Variants in PPM1H observed in about 807,000 individuals in gnomAD.
PPM1H encodes protein phosphatase 1H.
Under a neutral mutation model 54.9 loss-of-function variants are expected in PPM1H, and 27 were observed. The ratio of observed to expected loss-of-function variants is 0.49; its 90% CI spans 0.36 to 0.68. PPM1H has a LOEUF of 0.68. PPM1H is among the 30% of genes least tolerant of loss of function. The pLI, the probability that PPM1H is intolerant of heterozygous loss-of-function variation, is 0.00. For synonymous variants in PPM1H, 305 were observed against 270.8 expected, an observed-to-expected ratio of 1.13 and a Z score of -1.24; for missense variants, 596 against 667.8, an observed-to-expected ratio of 0.89 and a Z score of 1.19.
intron 1 of PPM1H, among the ~76,000 whole-genome samples, chr12:62,909,035 T>A (rs1306434329): frequency 6.6e-6 from 1 of 151,870 alleles, no homozygotes; most frequent in Non-Finnish European, 1.5e-5. Flanking sequence ...TCCCCTGGGC[T>A]TCTTAAGTAT....
intron 4 of PPM1H, among the ~76,000 whole-genome samples, chr12:62,753,555 C>G (rs1028443231): frequency 6.6e-6 from 1 of 152,214 alleles, no homozygotes; most frequent in African/African-American, 2.4e-5. Context: ...CTTAGGGATA[C>G]AGTGGGCTTC....
intron 3 of PPM1H, among the ~76,000 whole-genome samples, chr12:62,792,413 C>T (rs2076705941): frequency 6.6e-6 from 1 of 152,212 alleles, no homozygotes; most frequent in Non-Finnish European, 1.5e-5. Context: ...CTAAATTTGG[C>T]AGCACTTTCT....
intron 8 of PPM1H, among the ~76,000 whole-genome samples, chr12:62,677,083 G>C (rs2075991703): frequency 6.6e-6 from 1 of 152,130 alleles, no homozygotes; most frequent in Admixed American, 6.5e-5. Context: ...CAACCTGCCT[G>C]CAGATAGGAG....
intron 2 of PPM1H, among the ~76,000 whole-genome samples, chr12:62,811,340 AATGGTAATTACTT>A (rs2076834136): frequency 2.0e-5 from 3 of 152,232 alleles, no homozygotes; most frequent in Non-Finnish European, 4.4e-5. Flanking sequence ...CACTAGAAGT[AATGGTAATTACTT>A]ATACTATTAA....
chr12:62,689,883 A>G, intron 7 of PPM1H, 77 bp from the exon 8 acceptor site: 1 of 984,236 alleles, frequency 1.0e-6, no homozygotes, highest in South Asian at 1.5e-5. Flanking sequence ...TGCCTGGGCT[A>G]GGAACAACCA....
At chr12:62,657,370 TGTGGCCACACAGCTAA>T (rs2075850529) in intron 9 of PPM1H, among the ~76,000 whole-genome samples, 4 of 152,318 alleles carry the variant, frequency 2.6e-5, no homozygotes, top group African/African-American at 7.2e-5. Flanking sequence ...AACATCCTGA[TGTGGCCACACAGCTAA>T]GGGGCCACAC....
chr12:62,692,932 GACACACAC>G (rs71278272), intron 7 of PPM1H, among the ~76,000 whole-genome samples: 18 of 146,810 alleles, frequency 1.2e-4, no homozygotes, highest in Admixed American at 6.1e-4. Context: ...CTTTTGCTCT[GACACACAC>G]ACACACACAC....
chr12:62,813,064 G>A (rs1009241302), intron 2 of PPM1H, among the ~76,000 whole-genome samples: 7 of 152,028 alleles, frequency 4.6e-5, no homozygotes, highest in African/African-American at 1.7e-4. Flanking sequence ...CCATCTGGGT[G>A]GTTGTGAGGT....
At chr12:62,801,795 C>T (rs2076771487) in intron 3 of PPM1H, 21 bp downstream of exon 3, 1 of 1,612,240 alleles carries the variant, frequency 6.2e-7, no homozygotes, top group Non-Finnish European at 8.5e-7. Context: ...CCTGCTGCCC[C>T]AGACTCCCAG....
chr12:62,802,261 TGTCTGTC>T, intron 2 of PPM1H, 101 bp from the exon 3 acceptor site: 1 of 922,362 alleles, frequency 1.1e-6, no homozygotes. Context: ...TCCACTTGGT[TGTCTGTC>T]GTCTGCAAAC....
At chr12:62,688,032 A>G (rs1332443770) in intron 8 of PPM1H, among the ~76,000 whole-genome samples, 1 of 151,844 alleles carries the variant, frequency 6.6e-6, no homozygotes, top group Non-Finnish European at 1.5e-5. Flanking sequence ...AAAAGAAACA[A>G]AAAACCTTAA....
intron 6 of PPM1H, among the ~76,000 whole-genome samples, chr12:62,713,699 TG>T (rs1432249574): frequency 2.0e-5 from 3 of 152,160 alleles, no homozygotes; most frequent in Admixed American, 6.5e-5. Flanking sequence ...CCAGGTTTGG[TG>T]GCTCATCCCT....
intron 6 of PPM1H, among the ~76,000 whole-genome samples, chr12:62,704,695 AGCTTGTGCATACCTG>A (rs1177501278): frequency 6.6e-6 from 1 of 152,222 alleles, no homozygotes; most frequent in African/African-American, 2.4e-5. Flanking sequence ...GTAGCAGCCT[AGCTTGTGCATACCTG>A]GCTACCACCT....
chr12:62,834,118 G>C (rs1448769831), intron 1 of PPM1H, among the ~76,000 whole-genome samples: 1 of 152,070 alleles, frequency 6.6e-6, no homozygotes. Context: ...TATTTCCTAA[G>C]ATTTGTCTTT....
intron 2 of PPM1H, among the ~76,000 whole-genome samples, chr12:62,825,511 A>G (rs561591642): frequency 1.3e-3 from 191 of 152,386 alleles, no homozygotes; most frequent in Non-Finnish European, 2.2e-3. Flanking sequence ...AGACTGGATT[A>G]AGAAAATGTG....
intron 4 of PPM1H, among the ~76,000 whole-genome samples, chr12:62,751,189 C>G (rs2076440487): frequency 6.6e-6 from 1 of 152,162 alleles, no homozygotes; most frequent in Non-Finnish European, 1.5e-5. Flanking sequence ...ACTTGCAGAG[C>G]CCAGGAAGCA....
At chr12:62,849,373 G>T (rs1177867369) in intron 1 of PPM1H, among the ~76,000 whole-genome samples, 4 of 152,180 alleles carry the variant, frequency 2.6e-5, no homozygotes, top group Non-Finnish European at 5.9e-5. Context: ...GATAGGGAAG[G>T]TATTATCTGT....
chr12:62,746,832 C>A (rs962902463), intron 4 of PPM1H, among the ~76,000 whole-genome samples: 6 of 152,250 alleles, frequency 3.9e-5, no homozygotes, highest in African/African-American at 1.4e-4. Flanking sequence ...CACACCCCCC[C>A]ACTTCTAAAT....
intron 6 of PPM1H, among the ~76,000 whole-genome samples, chr12:62,695,204 A>G (rs1466240521): frequency 2.6e-5 from 4 of 152,154 alleles, no homozygotes; most frequent in Non-Finnish European, 4.4e-5. Flanking sequence ...CCATCCTCAG[A>G]AAGTTACATG....
Sources: allele counts gnomAD v4.1 joint callset (sites outside exome capture counted in the v4.1 genomes callset), GRCh38; gene constraint gnomAD v4.1.1; transcripts MANE v1.5; gene names NCBI Gene and HGNC (gene_info 2026-07-23, HGNC 2026-07-21).